BLTP3B: variants seen among roughly 807,000 people sequenced by gnomAD.
The protein encoded by BLTP3B is UHRF1 (ICBP90) binding protein 1-like.
At chr12:100,058,903 T>C in the BLTP3B span, 11 of 1,613,822 alleles carry the variant, frequency 6.8e-6, no homozygotes, top group African/African-American at 2.7e-5. Flanking sequence ...CTGAAAAATG[T>C]ATCTGATGAA....
chr12:100,075,040 C>A, the BLTP3B span, among the ~76,000 whole-genome samples: 1 of 150,102 alleles, frequency 6.7e-6, no homozygotes, highest in Non-Finnish European at 1.5e-5. Flanking sequence ...GAGACGGAGT[C>A]TAGCTCTGTC....
the BLTP3B span, among the ~76,000 whole-genome samples, chr12:100,068,210 T>G: frequency 6.6e-6 from 1 of 152,208 alleles, no homozygotes; most frequent in Non-Finnish European, 1.5e-5. Context: ...TACAGCTAAC[T>G]GATCTTCAAC....
chr12:100,067,605 T>C, the BLTP3B span, among the ~76,000 whole-genome samples: 2 of 152,016 alleles, frequency 1.3e-5, no homozygotes, highest in Non-Finnish European at 2.9e-5. Flanking sequence ...GAAGAATTCC[T>C]GGAAAAATAC....
the BLTP3B span, among the ~76,000 whole-genome samples, chr12:100,068,978 C>T: frequency 6.6e-6 from 1 of 152,226 alleles, no homozygotes; most frequent in Admixed American, 6.5e-5. Context: ...TGGCTCCCGC[C>T]TGTCATCCCA....
chr12:100,072,035 C>T, the BLTP3B span, among the ~76,000 whole-genome samples: 2 of 152,132 alleles, frequency 1.3e-5, no homozygotes, highest in Non-Finnish European at 2.9e-5. Flanking sequence ...CCAAGGTGGG[C>T]AGATCACTTG....
chr12:100,097,550 G>A, the BLTP3B span: 1 of 1,528,766 alleles, frequency 6.5e-7, no homozygotes, highest in Admixed American at 2.2e-5. Context: ...ATGCAAAACA[G>A]AATGAGAAAA....
chr12:100,075,093 C>A, the BLTP3B span, among the ~76,000 whole-genome samples: 10 of 151,570 alleles, frequency 6.6e-5, no homozygotes, highest in Non-Finnish European at 1.0e-4. Flanking sequence ...CTCACTGCAA[C>A]CTCTGCCTCC....
the BLTP3B span, among the ~76,000 whole-genome samples, chr12:100,089,599 C>A: frequency 6.6e-6 from 1 of 151,940 alleles, no homozygotes; most frequent in Non-Finnish European, 1.5e-5. Context: ...AACAAAAAAA[C>A]TGTAAAACTA....
chr12:100,084,053 G>A, the BLTP3B span, among the ~76,000 whole-genome samples: 1 of 152,064 alleles, frequency 6.6e-6, no homozygotes, highest in Admixed American at 6.5e-5. Context: ...GCTGGGTATG[G>A]TGGCATGTGC....
the BLTP3B span, among the ~76,000 whole-genome samples, chr12:100,114,251 T>C: frequency 6.6e-6 from 1 of 152,196 alleles, no homozygotes; most frequent in Non-Finnish European, 1.5e-5. Context: ...TAGTGATTGA[T>C]CTACAGGTTG....
At chr12:100,043,265 G>A in the BLTP3B span, among the ~76,000 whole-genome samples, 1 of 152,180 alleles carries the variant, frequency 6.6e-6, no homozygotes, top group Non-Finnish European at 1.5e-5. Context: ...TATATTTAAA[G>A]TATGCCTGCA....
At chr12:100,124,957 TATATATATATATATATATATA>T in the BLTP3B span, among the ~76,000 whole-genome samples, 3 of 100,438 alleles carry the variant, frequency 3.0e-5, no homozygotes, top group African/African-American at 1.4e-4. Flanking sequence ...TATATATATA[TATATATATATATATATATATA>T]TTTATATTTA....
At chr12:100,117,193 G>T in the BLTP3B span, among the ~76,000 whole-genome samples, 2 of 152,128 alleles carry the variant, frequency 1.3e-5, no homozygotes, top group African/African-American at 4.8e-5. Flanking sequence ...TTTAGTGAGG[G>T]CTGCACATAG....
chr12:100,099,401 G>A, the BLTP3B span, among the ~76,000 whole-genome samples: 3 of 151,642 alleles, frequency 2.0e-5, no homozygotes, highest in Non-Finnish European at 2.9e-5. Context: ...GCCAAGGCAG[G>A]AGGATCTCTT....
chr12:100,074,524 G>A, the BLTP3B span, among the ~76,000 whole-genome samples: 729 of 151,716 alleles, frequency 4.8e-3, 3 homozygotes, highest in Non-Finnish European at 7.1e-3. Context: ...GCTTGAACTC[G>A]GGAGACGGAG....
At chr12:100,095,902 T>A in the BLTP3B span, 1 of 1,356,930 alleles carries the variant, frequency 7.4e-7, no homozygotes, top group Non-Finnish European at 9.8e-7. Flanking sequence ...ACGCTTGTAT[T>A]AAAAAATGTT....
chr12:100,095,387 C>G, the BLTP3B span, among the ~76,000 whole-genome samples: 1 of 152,168 alleles, frequency 6.6e-6, no homozygotes, highest in South Asian at 2.1e-4. Context: ...AGTTTTAAAA[C>G]TGTACTCTTT....
chr12:100,102,640 TA>T, the BLTP3B span: 1 of 661,410 alleles, frequency 1.5e-6, no homozygotes, highest in East Asian at 3.0e-5. Context: ...TGTATATAAC[TA>T]AAATTGTAAA....
chr12:100,092,566 C>A, the BLTP3B span, among the ~76,000 whole-genome samples: 1 of 152,084 alleles, frequency 6.6e-6, no homozygotes, highest in African/African-American at 2.4e-5. Flanking sequence ...AAGAAAATAC[C>A]TCAAAATGGT....
Sources: gnomAD v4.1 joint callset for allele counts (sites outside exome capture counted in the v4.1 genomes callset) on GRCh38, gnomAD v4.1.1 for gene constraint, MANE v1.5 for transcripts, NCBI Gene and HGNC (gene_info 2026-07-23, HGNC 2026-07-21) for gene names.